The following PCDH15 variants were observed in gnomAD, a reference collection of about 807,000 sequenced individuals.
The protein encoded by PCDH15 is protocadherin related 15.
A neutral mutation model predicts 178.5 loss-of-function variants in PCDH15; 129 were observed. The observed-to-expected ratio is 0.72, with a 90% CI of 0.63 to 0.84. The LOEUF is 0.84. Among genes scored for constraint, PCDH15 ranks in the 40% least tolerant of loss-of-function variants. PCDH15 has a pLI of 0.00. For synonymous variants in PCDH15, 800 were observed against 732.0 expected (o/e 1.09, Z -1.50); for missense variants, 2,230 against 2,099.9 (o/e 1.06, Z -1.21).
chr10:55,493,320 A>G (rs553545837), intron 2 of PCDH15, among the ~76,000 whole-genome samples: 2 of 151,346 alleles, frequency 1.3e-5, no homozygotes, highest in South Asian at 4.2e-4. Context: ...CTTTGGGAGG[A>G]CAAGGTGGGT....
intron 8 of PCDH15, among the ~76,000 whole-genome samples, chr10:54,257,082 T>TAGATAGAC (rs1554862115): frequency 1.6e-4 from 24 of 151,966 alleles, no homozygotes; most frequent in African/African-American, 5.6e-4. Context: ...GATAGATAGA[T>TAGATAGAC]AGATAGATAC....
chr10:54,603,847 A>C (rs2092641060), intron 2 of PCDH15, among the ~76,000 whole-genome samples: 2 of 151,988 alleles, frequency 1.3e-5, no homozygotes, highest in African/African-American at 4.8e-5. Context: ...CTGAGCCTAG[A>C]GAGAGGTTGT....
intron 2 of PCDH15, among the ~76,000 whole-genome samples, chr10:54,937,000 T>C (rs1837923440): frequency 6.6e-6 from 1 of 152,002 alleles, no homozygotes; most frequent in Non-Finnish European, 1.5e-5. Flanking sequence ...GTCTATCATC[T>C]ATCTGGAATT....
At chr10:54,599,878 A>C (rs1484441640) in intron 2 of PCDH15, 1 of 691,070 alleles carries the variant, frequency 1.4e-6, no homozygotes, top group Non-Finnish European at 2.6e-6. Flanking sequence ...AGAGGAAGCC[A>C]AAGCTAAAGA....
intron 16 of PCDH15, among the ~76,000 whole-genome samples, chr10:54,088,847 C>T (rs1209320500): frequency 6.6e-6 from 1 of 152,126 alleles, no homozygotes; most frequent in Non-Finnish European, 1.5e-5. Context: ...ACCATAAATA[C>T]TAGAGTTATT....
At chr10:54,951,720 A>G (rs1290850198) in intron 2 of PCDH15, among the ~76,000 whole-genome samples, 1 of 151,836 alleles carries the variant, frequency 6.6e-6, no homozygotes, top group African/African-American at 2.4e-5. Flanking sequence ...CCACTCTGAC[A>G]TTTGGTATTA....
chr10:54,462,418 C>T (rs2077222288), intron 3 of PCDH15, among the ~76,000 whole-genome samples: 1 of 151,336 alleles, frequency 6.6e-6, no homozygotes, highest in Middle Eastern at 3.5e-3. Context: ...GAATACAAGT[C>T]ATTTGGAAAA....
intron 13 of PCDH15, among the ~76,000 whole-genome samples, chr10:54,173,421 G>C (rs546085914): frequency 7.9e-4 from 121 of 152,208 alleles, no homozygotes; most frequent in African/African-American, 2.8e-3. Flanking sequence ...TTTTCAGTCA[G>C]TTTAGCATCT....
intron 2 of PCDH15, among the ~76,000 whole-genome samples, chr10:55,412,927 T>C (rs12781262): frequency 0.21 from 30,333 of 147,090 alleles, 3,997 homozygotes; most frequent in Non-Finnish European, 0.3. Flanking sequence ...ACACGGCAAA[T>C]TGAACTGCAA....
intron 2 of PCDH15, among the ~76,000 whole-genome samples, chr10:55,069,256 T>G (rs867784249): frequency 0.034 from 5,028 of 145,812 alleles, 138 homozygotes; most frequent in Non-Finnish European, 0.051. Context: ...TTGTTTTTTT[T>G]TTTTTTTTTC....
chr10:53,984,323 G>T (rs2134675361), intron 21 of PCDH15, among the ~76,000 whole-genome samples: 1 of 151,476 alleles, frequency 6.6e-6, no homozygotes, highest in South Asian at 2.1e-4. Context: ...CTAATTTTTT[G>T]TATATTTTAG....
intron 18 of PCDH15, among the ~76,000 whole-genome samples, chr10:54,038,871 C>T (rs2093477366): frequency 6.6e-6 from 1 of 151,950 alleles, no homozygotes; most frequent in Non-Finnish European, 1.5e-5. Flanking sequence ...ATTACAATAT[C>T]ATTCATTGTT....
chr10:55,379,844 T>C (rs1259711134), intron 2 of PCDH15, among the ~76,000 whole-genome samples: 2 of 152,054 alleles, frequency 1.3e-5, no homozygotes, highest in Admixed American at 1.3e-4. Context: ...GAAACATAGC[T>C]CTAATTTTGT....
At chr10:53,909,600 C>T (rs957296882) in intron 25 of PCDH15, among the ~76,000 whole-genome samples, 8 of 152,270 alleles carry the variant, frequency 5.3e-5, no homozygotes, top group Non-Finnish European at 1.0e-4. Flanking sequence ...GCGCAGAAGA[C>T]GGGTGATTTC....
At chr10:55,118,867 G>A (rs915177475) in intron 2 of PCDH15, among the ~76,000 whole-genome samples, 1 of 152,190 alleles carries the variant, frequency 6.6e-6, no homozygotes, top group Non-Finnish European at 1.5e-5. Flanking sequence ...GCCTTCAGGT[G>A]ACGACACTTA....
chr10:53,880,310 C>T (rs2080613178), intron 26 of PCDH15, among the ~76,000 whole-genome samples: 1 of 152,158 alleles, frequency 6.6e-6, no homozygotes, highest in South Asian at 2.1e-4. Flanking sequence ...GCTAACAGTA[C>T]AAGTCATTTG....
At chr10:54,143,136 T>G (rs2043562144) in intron 14 of PCDH15, among the ~76,000 whole-genome samples, 1 of 152,284 alleles carries the variant, frequency 6.6e-6, no homozygotes, top group South Asian at 2.1e-4. Context: ...GTTGTTATGT[T>G]AGAATTATGC....
At chr10:54,889,500 GATATATATAT>G (rs397688090) in intron 3 of PCDH15, among the ~76,000 whole-genome samples, 1 of 142,008 alleles carries the variant, frequency 7.0e-6, no homozygotes, top group Non-Finnish European at 1.6e-5. Flanking sequence ...TAATTGTGAA[GATATATATAT>G]ATATATATGA....
At chr10:54,017,627 TAGAC>T (rs1451160600) in intron 20 of PCDH15, among the ~76,000 whole-genome samples, 4 of 152,034 alleles carry the variant, frequency 2.6e-5, no homozygotes, top group Non-Finnish European at 4.4e-5. Context: ...TGAAAATTAA[TAGAC>T]AGAAATTGGG....
Sources: allele counts gnomAD v4.1 joint callset (sites outside exome capture counted in the v4.1 genomes callset), GRCh38; gene constraint gnomAD v4.1.1; transcripts MANE v1.5; gene names NCBI Gene and HGNC (gene_info 2026-07-23, HGNC 2026-07-21).